Variants in MYO10 observed in about 807,000 individuals in gnomAD.
The protein encoded by MYO10 is myosin X.
Under a neutral mutation model 257.3 loss-of-function variants are expected in MYO10, and 133 were observed. The ratio of observed to expected loss-of-function variants is 0.52; its 90% CI spans 0.45 to 0.60. MYO10 has a LOEUF of 0.60. Among genes scored for constraint, MYO10 ranks in the 20% least tolerant of loss-of-function variants. MYO10 has a pLI of 0.00. For missense variants in MYO10, 2,399 were observed against 2,635.7 expected (o/e 0.91, Z 1.97); for synonymous variants, 1,104 against 1,028.6 (o/e 1.07, Z -1.40).
intron 9 of MYO10, among the ~76,000 whole-genome samples, chr5:16,772,197 A>C (rs1741073724): frequency 6.6e-6 from 1 of 151,010 alleles, no homozygotes; most frequent in African/African-American, 2.4e-5. Context: ...CAATGGCATG[A>C]TCTCGGCTCA....
chr5:16,711,423 C>T (rs1738613552), intron 19 of MYO10, among the ~76,000 whole-genome samples, 178 bp from the exon 20 acceptor site: 1 of 152,170 alleles, frequency 6.6e-6, no homozygotes, highest in Non-Finnish European at 1.5e-5. Flanking sequence ...ATCACCTCGC[C>T]TTAACAACCG....
chr5:16,881,069 C>T (rs1214233181), intron 1 of MYO10, among the ~76,000 whole-genome samples: 1 of 152,154 alleles, frequency 6.6e-6, no homozygotes, highest in Admixed American at 6.6e-5. Flanking sequence ...AGGTTAAAAT[C>T]AGGAAACAAT....
At chr5:16,700,570 A>G (rs1237116861) in intron 25 of MYO10, among the ~76,000 whole-genome samples, 1 of 151,780 alleles carries the variant, frequency 6.6e-6, no homozygotes, top group African/African-American at 2.4e-5. Context: ...CCAGCTATTC[A>G]GGAAGCTGAG....
At position 16,665,213 on chromosome 5, in the gene MYO10, A is replaced by G. The variant is rs1736105854; in HGVS notation, c.*1479T>C. The G allele has an allele frequency of 6.6e-6, 1 of 151,390 alleles. No homozygotes were observed. Among genetic ancestry groups the G allele is most frequent in the Non-Finnish European group, 1.5e-5 (1 of 67,844 alleles). The allele number at this position is 151,390 out of a possible 1,614,324, so 9.4% of individuals were successfully genotyped here. ...GTGAGACTCTGTCTCTAAAGAAAAA[A>G]AAAAAAAACCACCAAAAAGCCAAAA... On this transcript the variant is annotated 3_prime_UTR_variant, in exon 41 of 41. Coordinates refer to ENST00000513610, the MANE Select transcript of MYO10 (RefSeq NM_012334.3).
intron 19 of MYO10, among the ~76,000 whole-genome samples, chr5:16,741,055 T>TC (rs1740000965): frequency 6.6e-6 from 1 of 152,200 alleles, no homozygotes; most frequent in African/African-American, 2.4e-5. Context: ...TGAAAACACC[T>TC]CCCTTCCAGG....
chr5:16,817,708 C>T (rs1273982490), intron 3 of MYO10, among the ~76,000 whole-genome samples: 3 of 152,126 alleles, frequency 2.0e-5, no homozygotes, highest in Non-Finnish European at 2.9e-5. Flanking sequence ...GACTTCTTTC[C>T]GTGGCAGAAC....
intron 19 of MYO10, chr5:16,741,770 T>C (rs550353370): frequency 1.0e-5 from 10 of 980,274 alleles, no homozygotes; most frequent in Non-Finnish European, 1.2e-5. Context: ...TACATGAAAC[T>C]TTTAAGCAGA....
chr5:16,888,106 G>C (rs1426222936), intron 1 of MYO10, among the ~76,000 whole-genome samples: 1 of 152,046 alleles, frequency 6.6e-6, no homozygotes, highest in Non-Finnish European at 1.5e-5. Flanking sequence ...TCTGTAAATC[G>C]TTCCACCCAC....
intron 2 of MYO10, among the ~76,000 whole-genome samples, chr5:16,851,773 C>T (rs890149674): frequency 2.6e-5 from 4 of 152,098 alleles, no homozygotes; most frequent in African/African-American, 9.7e-5. Context: ...GACTTAATGG[C>T]CGGGCGTGGT....
intron 11 of MYO10, among the ~76,000 whole-genome samples, chr5:16,765,132 T>C (rs1313666624): frequency 6.6e-6 from 1 of 152,224 alleles, no homozygotes. Context: ...AGGAGTGTGA[T>C]GGTTAATACT....
rs186842248 is a variant in MYO10 at position 16,884,729 on chromosome 5, T to A, written c.22-7022A>T. On this transcript the variant is annotated intron_variant, in intron 1 of 40. Transcript: ENST00000513610. ...TTACCAGATGCTTTTTTTTTCTGAT[T>A]CTTATTACTCAAAGACACATCAAAG... Among the ~76,000 whole-genome samples, 23 of 152,230 alleles carry A rather than the reference T, an allele frequency of 1.5e-4. No individual in the cohort carries two copies. The East Asian group carries it at 4.4e-3, about 29-fold the overall frequency.
chr5:16,890,237 T>C (rs551402879), intron 1 of MYO10, among the ~76,000 whole-genome samples: 14 of 151,920 alleles, frequency 9.2e-5, no homozygotes, highest in South Asian at 2.1e-4. Flanking sequence ...ACACATAATG[T>C]GTTGGCAAGA....
chr5:16,736,957 C>A (rs920118069), intron 19 of MYO10, among the ~76,000 whole-genome samples: 2 of 152,072 alleles, frequency 1.3e-5, no homozygotes, highest in East Asian at 3.9e-4. Flanking sequence ...TAAGAAAACA[C>A]GACCAAAGTA....
chr5:16,758,160 A>G lies in MYO10; in HGVS notation c.1806T>C (p.Cys602=). 6.2e-7 allele frequency: 1 copy of G among 1,613,802 alleles called. No individual in the cohort carries two copies. The highest frequency in any genetic ancestry group is 1.1e-5 in the South Asian group (1 of 91,080). ...SSRNNQDTLK[C]GSKHRRPTVS... is the part of the protein sequence containing the mutation. Reference sequence around the variant, plus strand: ...CTGTAGGCCGCCGATGTTTGCTTCCACATTTCAAGGTATCCTGGTTGTTGC... The same window carrying G: ...CTGTAGGCCGCCGATGTTTGCTTCCGCATTTCAAGGTATCCTGGTTGTTGC... The change falls in exon 18 of 41, where the codon TGT becomes TGC. Residue 602 remains cysteine (C), a synonymous_variant. Transcript: ENST00000513610.
intron 29 of MYO10, among the ~76,000 whole-genome samples, chr5:16,685,058 T>A (rs565956958): frequency 1.2e-3 from 188 of 151,624 alleles, no homozygotes; most frequent in African/African-American, 4.4e-3. Flanking sequence ...AAAAAAAAAA[T>A]AAGAATACAA....
intron 1 of MYO10, among the ~76,000 whole-genome samples, chr5:16,920,892 C>T (rs146938925): frequency 0.013 from 2,018 of 151,980 alleles, 42 homozygotes; most frequent in African/African-American, 0.047. Context: ...CTGAGGTGGG[C>T]GAATCACTTG....
intron 19 of MYO10, among the ~76,000 whole-genome samples, chr5:16,739,136 T>C (rs1048078665): frequency 1.4e-5 from 2 of 145,012 alleles, no homozygotes; most frequent in Non-Finnish European, 3.0e-5. Context: ...TAGTGTGCTA[T>C]GATTGTGCTT....
At chr5:16,861,109 T>G (rs148893633) in intron 2 of MYO10, among the ~76,000 whole-genome samples, 1 of 151,944 alleles carries the variant, frequency 6.6e-6, no homozygotes, top group East Asian at 1.9e-4. Context: ...AGGCCCTTGG[T>G]AGAAGCTTCC....
intron 30 of MYO10, among the ~76,000 whole-genome samples, chr5:16,682,416 G>A (rs1737050143): frequency 6.6e-6 from 1 of 152,164 alleles, no homozygotes; most frequent in South Asian, 2.1e-4. Flanking sequence ...AGCAATAAAA[G>A]AGGATCAGTA....
Sources: gnomAD v4.1 joint callset for allele counts (sites outside exome capture counted in the v4.1 genomes callset) on GRCh38, gnomAD v4.1.1 for gene constraint, MANE v1.5 for transcripts, NCBI Gene and HGNC (gene_info 2026-07-23, HGNC 2026-07-21) for gene names.